The following IL22RA2 variants were observed in gnomAD, a reference collection of about 807,000 sequenced individuals.
The protein encoded by IL22RA2 is interleukin 22 receptor subunit alpha 2.
Under a neutral mutation model 30.7 loss-of-function variants are expected in IL22RA2, and 39 were observed. That is an observed-to-expected ratio of 1.27 (90% CI 0.98 to 1.66). The LOEUF (loss-of-function observed/expected upper bound fraction) is 1.66. Ranked by LOEUF, IL22RA2 falls within the 40% of genes most tolerant of loss-of-function variation. The pLI, the probability that IL22RA2 is intolerant of heterozygous loss-of-function variation, is 0.00. For synonymous variants in IL22RA2, 103 were observed against 105.0 expected, an observed-to-expected ratio of 0.98 and a Z score of 0.11; for missense variants, 315 against 312.7, an observed-to-expected ratio of 1.01 and a Z score of -0.05.
At chr6:137,167,934 A>G (rs536395686) in intron 1 of IL22RA2, among the ~76,000 whole-genome samples, 4 of 152,270 alleles carry the variant, frequency 2.6e-5, no homozygotes, top group African/African-American at 7.2e-5. Context: ...TCAATGATAC[A>G]TAAGTAAATG....
intron 5 of IL22RA2, 90 bp downstream of exon 5, chr6:137,154,851 G>T: frequency 1.9e-6 from 2 of 1,073,654 alleles, no homozygotes; most frequent in Non-Finnish European, 2.9e-6. Context: ...AGAGACCTCA[G>T]CAAAGCACAA....
intron 3 of IL22RA2, 150 bp downstream of exon 3, chr6:137,158,196 CA>C: frequency 1.2e-6 from 1 of 855,624 alleles, no homozygotes; most frequent in Non-Finnish European, 1.8e-6. Flanking sequence ...AGGCAGCCTT[CA>C]GGGGAGACAA....
chr6:137,167,067 C>T (rs28741409), intron 1 of IL22RA2, among the ~76,000 whole-genome samples: 12,084 of 152,246 alleles, frequency 0.079, 1,174 homozygotes, highest in African/African-American at 0.23. Flanking sequence ...CGGGAAGTAA[C>T]CAGAATCTTA....
At chr6:137,164,729 G>T (rs141172830) in intron 1 of IL22RA2, among the ~76,000 whole-genome samples, 1 of 152,168 alleles carries the variant, frequency 6.6e-6, no homozygotes, top group Non-Finnish European at 1.5e-5. Context: ...GCCTTAGGTC[G>T]GTCCGTGCCC....
intron 1 of IL22RA2, among the ~76,000 whole-genome samples, chr6:137,170,716 T>A (rs1324444913): frequency 6.6e-6 from 1 of 152,118 alleles, no homozygotes; most frequent in Non-Finnish European, 1.5e-5. Flanking sequence ...TCTTTGATCA[T>A]CCCGCAACAG....
At chr6:137,155,838 G>A (rs936095941) in intron 4 of IL22RA2, among the ~76,000 whole-genome samples, 1 of 152,080 alleles carries the variant, frequency 6.6e-6, no homozygotes, top group Non-Finnish European at 1.5e-5. Context: ...TTGGCAAAAT[G>A]TTCTTTCTGG....
chr6:137,146,912 T>G lies in IL22RA2; in HGVS notation c.642+810A>C, dbSNP rs556674976. 7.9e-5 allele frequency among the ~76,000 whole-genome samples: 12 copies of G among 152,064 alleles called. No individual in the cohort carries two copies. In the South Asian group the frequency reaches 2.5e-3, roughly 32 times the overall value. ...TTGGGAGGCTGAGGTGGGAGGATCA[T>G]TTGAGCCCAGGATGTTGAGGCTGCC... is the stretch of plus-strand genomic sequence containing the variant. On this transcript the variant is annotated intron_variant, in intron 6 of 6. Coordinates refer to ENST00000296980, the MANE Select transcript of IL22RA2 (RefSeq NM_052962.3).
chr6:137,160,055 T>G lies in IL22RA2; in HGVS notation c.62-1573A>C, dbSNP rs1182474812. The stretch of plus-strand genomic sequence containing the variant: ...TGGTGTTGTGTTCTTGGAAAGAGTC[T>G]ACAGCCACAGTTGATTTTGCTCACA... On this transcript the variant is annotated intron_variant, in intron 2 of 6. Transcript: ENST00000296980. Among the ~76,000 whole-genome samples the G allele has an allele frequency of 2.0e-5, 3 of 152,238 alleles. No individual in the cohort carries two copies. In the East Asian group the frequency reaches 5.8e-4, roughly 29 times the overall value.
chr6:137,169,981 T>C (rs1346840733), intron 1 of IL22RA2, among the ~76,000 whole-genome samples: 5 of 152,272 alleles, frequency 3.3e-5, no homozygotes, highest in Admixed American at 2.6e-4. Context: ...TGGAGGACGG[T>C]TTTCATGGTT....
chr6:137,158,332 G>A lies in IL22RA2; in HGVS notation c.197+15C>T, dbSNP rs1210784490. The A allele has an allele frequency of 6.2e-7, 1 of 1,613,476 alleles. No homozygotes were observed. Among genetic ancestry groups the A allele is most frequent in the East Asian group, 2.2e-5 (1 of 44,878 alleles). ...GTGCCATCTCTATCAGCTGAAGGAG[G>A]CTCAATTTACTTACATTTTGTACTG... On this transcript the variant is annotated intron_variant, in intron 3 of 6. Coordinates refer to ENST00000296980, the MANE Select transcript of IL22RA2 (RefSeq NM_052962.3).
intron 5 of IL22RA2, among the ~76,000 whole-genome samples, chr6:137,153,851 T>A (rs1192629380): frequency 2.0e-5 from 3 of 152,150 alleles, no homozygotes; most frequent in African/African-American, 7.2e-5. Flanking sequence ...AAACTCCTCG[T>A]GGATAAAGAG....
Position 137,155,002 on chromosome 6 carries a change from C to A in IL22RA2, c.411G>T (p.Ala137=). 1 of 1,614,034 alleles carries A rather than the reference C, an allele frequency of 6.2e-7. No homozygotes were observed. Among genetic ancestry groups the A allele is most frequent in the Non-Finnish European group, 8.5e-7 (1 of 1,179,932 alleles). Residue 137 remains alanine, a synonymous_variant, in exon 5 of 7, where the codon GCG becomes GCT. Coordinates refer to ENST00000296980, the MANE Select transcript of IL22RA2 (RefSeq NM_052962.3). ...ATTCTGAGTAGCTCCCAGCCGAGGC[C>A]GCCCTCACCCTCCCGTAATAAGGTT... ...IQEPYYGRVR[A]ASAGSYSEWS...
At position 137,152,073 on chromosome 6, in the gene IL22RA2, G is replaced by A. The variant is rs144580621; in HGVS notation, c.472+2868C>T. 9.3e-4 allele frequency among the ~76,000 whole-genome samples: 142 copies of A among 152,208 alleles called. 1 individual carries two copies. Among genetic ancestry groups the A allele is most frequent in the African/African-American group, 3.2e-3 (133 of 41,528 alleles). The stretch of plus-strand genomic sequence containing the variant: ...AATATAAAGGTATGCCCAGCTATGT[G>A]TGGTGGCGTATGCCTGATAGTCCTT... On this transcript the variant is annotated intron_variant, in intron 5 of 6. Transcript: ENST00000296980.
At chr6:137,154,579 C>T (rs1305975370) in intron 5 of IL22RA2, among the ~76,000 whole-genome samples, 1 of 152,090 alleles carries the variant, frequency 6.6e-6, no homozygotes, top group African/African-American at 2.4e-5. Context: ...CGTGCCACTG[C>T]ACTCCAGCCT....
chr6:137,170,415 A>C (rs1234170096), intron 1 of IL22RA2, among the ~76,000 whole-genome samples: 2 of 152,200 alleles, frequency 1.3e-5, no homozygotes, highest in African/African-American at 4.8e-5. Context: ...GACCTTATCT[A>C]TACTCCCCAA....
At chr6:137,162,759 G>T (rs1778547281) in intron 1 of IL22RA2, among the ~76,000 whole-genome samples, 1 of 152,120 alleles carries the variant, frequency 6.6e-6, no homozygotes, top group South Asian at 2.1e-4. Flanking sequence ...CAAAGAAAAA[G>T]GCTGACATAT....
At chr6:137,148,872 T>C in intron 5 of IL22RA2, among the ~76,000 whole-genome samples, 1 of 152,202 alleles carries the variant, frequency 6.6e-6, no homozygotes, top group South Asian at 2.1e-4. Context: ...ACAGGGCTCC[T>C]GGCTTATGAT....
rs967186301 is a variant in IL22RA2 at position 137,168,865 on chromosome 6, A to G, written c.-66+4548T>C. Among the ~76,000 whole-genome samples, 6 of 152,240 alleles carry G rather than the reference A, an allele frequency of 3.9e-5. 1 individual carries two copies. The highest frequency in any genetic ancestry group is 1.4e-4 in the African/African-American group (6 of 41,454). On this transcript the variant is annotated intron_variant, in intron 1 of 6. Transcript: ENST00000296980. ...CAAGTTCAACTTAGCCCAATACAAC[A>G]GTTCAGGTTTTATAAATCTTTCAAT...
At chr6:137,154,292 G>T (rs1363411407) in intron 5 of IL22RA2, among the ~76,000 whole-genome samples, 1 of 152,110 alleles carries the variant, frequency 6.6e-6, no homozygotes, top group East Asian at 1.9e-4. Context: ...GAAGGACTAG[G>T]CACTATGACA....
Sources: allele counts gnomAD v4.1 joint callset (sites outside exome capture counted in the v4.1 genomes callset), GRCh38; gene constraint gnomAD v4.1.1; transcripts MANE v1.5; gene names NCBI Gene and HGNC (gene_info 2026-07-23, HGNC 2026-07-21).